CASP4: variants seen among roughly 807,000 people sequenced by gnomAD.
The protein encoded by CASP4 is caspase-4.
CASP4 carries 29 observed loss-of-function variants against 41.3 expected under a neutral mutation model. That is an observed-to-expected ratio of 0.70 (90% CI 0.52 to 0.96). CASP4 has a LOEUF of 0.96. Ranked by LOEUF, CASP4 falls within the 40% of genes least tolerant of loss-of-function variation. The probability of loss-of-function intolerance (pLI) is 0.00; values close to 1 mark genes in which losing one functional copy is unlikely to be tolerated. For missense variants in CASP4, 447 were observed against 460.6 expected (o/e 0.97, Z 0.27); for synonymous variants, 185 against 158.4 (o/e 1.17, Z -1.26).
chr11:104,948,510 T>C, intron 6 of CASP4, 23 bp downstream of exon 6: 1 of 1,564,172 alleles, frequency 6.4e-7, no homozygotes, highest in East Asian at 2.3e-5. Flanking sequence ...ACAAATCCCT[T>C]ACTGCCACTG....
intron 1 of CASP4, among the ~76,000 whole-genome samples, chr11:104,961,808 A>G (rs890497132): frequency 6.6e-6 from 1 of 152,184 alleles, no homozygotes; most frequent in Non-Finnish European, 1.5e-5. Context: ...AAGGAAGTCC[A>G]GCAGGCCTAA....
Position 104,948,549 on chromosome 11 carries a change from G to A in CASP4, c.909C>T (p.Phe303=). Residue 303 remains phenylalanine, a synonymous_variant, in exon 6 of 9, where the codon TTC becomes TTT. Transcript: ENST00000444739. The part of the protein sequence containing the change: ...KTHVEKDFIA[F]CSSTPHNVSW... The stretch of plus-strand genomic sequence containing the variant: ...GATACATACGTGGCGTTGAAGAGCA[G>A]AAAGCAATGAAGTCCTTCTCCACGT... The A allele has an allele frequency of 6.2e-7, 1 of 1,606,930 alleles. No individual in the cohort carries two copies. The highest frequency in any genetic ancestry group is 8.5e-7 in the Non-Finnish European group (1 of 1,175,672).
chr11:104,965,738 A>C (rs760336898), intron 1 of CASP4, among the ~76,000 whole-genome samples: 9 of 152,202 alleles, frequency 5.9e-5, no homozygotes, highest in Admixed American at 2.0e-4. Flanking sequence ...ATTAGCTACA[A>C]GACTAAAAAT....
intron 1 of CASP4, among the ~76,000 whole-genome samples, chr11:104,955,999 C>T (rs55832043): frequency 0.016 from 2,358 of 152,062 alleles, 40 homozygotes; most frequent in East Asian, 0.058. Context: ...TATTTTCATA[C>T]GTGCTTATTG....
chr11:104,946,957 A>G (rs543051045), intron 7 of CASP4, 126 bp downstream of exon 7: 4 of 660,772 alleles, frequency 6.1e-6, no homozygotes, highest in Non-Finnish European at 8.2e-6. Flanking sequence ...AAACAACTGA[A>G]TGACAGAAAC....
Position 104,951,102 on chromosome 11 carries a change from C to G in CASP4, c.373-4G>C. The G allele has an allele frequency of 1.2e-6, 2 of 1,610,576 alleles. No individual in the cohort carries two copies. Among genetic ancestry groups the G allele is most frequent in the Non-Finnish European group, 1.7e-6 (2 of 1,178,004 alleles). ...TTCTCTCCTTTATTGGATAGATCTGCAGGATATGGAGATGCAATAAATTTA... is the reference window on the plus strand; with the variant it reads ...TTCTCTCCTTTATTGGATAGATCTGGAGGATATGGAGATGCAATAAATTTA... On this transcript the variant is annotated splice_polypyrimidine_tract_variant and splice_region_variant and intron_variant, in intron 3 of 8. Transcript: ENST00000444739.
intron 4 of CASP4, among the ~76,000 whole-genome samples, chr11:104,950,407 T>A (rs900249586): frequency 6.6e-6 from 1 of 152,164 alleles, no homozygotes; most frequent in Non-Finnish European, 1.5e-5. Flanking sequence ...TTTGGCTGTC[T>A]TGTCGCTGTT....
rs1860551174 is a variant in CASP4 at position 104,949,529 on chromosome 11, GT to G, written c.781+13del. The stretch of plus-strand genomic sequence containing the variant: ...CACCTTCATAACTGTTAGATGTTCA[GT>G]CTCAGCACTCACCACCTCTGCAGGC... On this transcript the variant is annotated intron_variant, in intron 5 of 8. Transcript: ENST00000444739. The G allele has an allele frequency of 6.2e-7, 1 of 1,612,482 alleles. No homozygotes were observed. The highest frequency in any genetic ancestry group is 1.3e-5 in the African/African-American group (1 of 74,882).
chr11:104,955,375 A>C (rs898430905), intron 1 of CASP4, among the ~76,000 whole-genome samples: 1 of 151,962 alleles, frequency 6.6e-6, no homozygotes, highest in Non-Finnish European at 1.5e-5. Flanking sequence ...CGGGAAAGTC[A>C]ATGCTCTTGT....
Position 104,950,961 on chromosome 11 carries a change from G to A in CASP4, c.510C>T (p.Asp170=), listed in dbSNP as rs1420464528. The part of the protein sequence containing the change: ...TGMKELLEGL[D]YSVDVEENLT... ...GATTCTCTTCTACATCTACACTATA[G>A]TCCAGACCCTCAAGTAGCTCCTTCA... is the stretch of plus-strand genomic sequence containing the variant. The change falls in exon 4 of 9, where the codon GAC becomes GAT. Residue 170 remains aspartate, a synonymous_variant. Transcript: ENST00000444739. 3.1e-6 allele frequency: 5 copies of A among 1,613,140 alleles called. No individual in the cohort carries two copies. The East Asian group carries it at 1.1e-4, about 36-fold the overall frequency.
intron 1 of CASP4, among the ~76,000 whole-genome samples, chr11:104,966,858 C>T (rs1169892392): frequency 6.6e-6 from 1 of 152,200 alleles, no homozygotes; most frequent in East Asian, 1.9e-4. Context: ...GAGGCATTCT[C>T]TAAGTATCCC....
In CASP4 at chr11:104,948,621, A is replaced by G. The variant is rs1860522664; in HGVS notation, c.837T>C (p.Ser279=). The change falls in exon 6 of 9, where the codon TCT becomes TCC. Residue 279 remains serine, a synonymous_variant. Transcript: ENST00000444739. ...CCTCTAGGTTCTCAGATGACTGTGAAGAGGCCACTTCCAAGGATGCTGGAG... is the reference window on the plus strand; with the variant it reads ...CCTCTAGGTTCTCAGATGACTGTGAGGAGGCCACTTCCAAGGATGCTGGAG... The part of the protein sequence containing the change: ...RDSPASLEVA[S]SQSSENLEED... 2.5e-6 allele frequency: 4 copies of G among 1,611,354 alleles called. No individual in the cohort carries two copies. The East Asian group carries it at 8.9e-5, about 36-fold the overall frequency.
chr11:104,968,460 A>C (rs754195610), intron 1 of CASP4, 59 bp downstream of exon 1: 7 of 1,467,342 alleles, frequency 4.8e-6, no homozygotes, highest in African/African-American at 1.4e-5. Flanking sequence ...ATTTCAGAGC[A>C]ATAAATCAAG....
chr11:104,961,253 T>A (rs1225964360), intron 1 of CASP4, among the ~76,000 whole-genome samples: 2 of 152,228 alleles, frequency 1.3e-5, no homozygotes, highest in Admixed American at 1.3e-4. Flanking sequence ...TGGAGAGATG[T>A]CCTCTAACTG....
chr11:104,952,550 TGCTTAATAGTTATC>T (rs1860641603), intron 2 of CASP4, among the ~76,000 whole-genome samples: 1 of 152,174 alleles, frequency 6.6e-6, no homozygotes. Context: ...ACAAGCCAAA[TGCTTAATAGTTATC>T]CCATACAGGA....
Position 104,956,757 on chromosome 11 carries a change from G to A in CASP4, c.8-1756C>T, listed in dbSNP as rs534075575. Reference sequence around the variant, plus strand: ...TCAGGTACAGATGTTGCAACACAGTGTGATTTGCAAACAGTACACAGATTA... The same window carrying A: ...TCAGGTACAGATGTTGCAACACAGTATGATTTGCAAACAGTACACAGATTA... On this transcript the variant is annotated intron_variant, in intron 1 of 8. Transcript: ENST00000444739. 6 of 361,970 alleles carry A rather than the reference G, an allele frequency of 1.7e-5. No homozygotes were observed. In the South Asian group the frequency reaches 5.7e-4, roughly 34 times the overall value. The allele number at this position is 361,970 out of a possible 1,614,324, so 22.4% of individuals were successfully genotyped here. A position where few individuals can be genotyped will look rare whatever the true frequency, so the allele number is the denominator to read the frequency against.
intron 1 of CASP4, chr11:104,956,687 C>A: frequency 1.0e-6 from 1 of 981,804 alleles, no homozygotes; most frequent in Non-Finnish European, 1.2e-6. Flanking sequence ...GGTGAGATCA[C>A]AAAGGCTTCT....
intron 4 of CASP4, 152 bp from the exon 5 acceptor site, chr11:104,949,929 T>C: frequency 1.4e-6 from 1 of 713,234 alleles, no homozygotes; most frequent in South Asian, 1.9e-5. Flanking sequence ...TGTTTAATGG[T>C]TTTATTTTTC....
At chr11:104,951,386 C>T (rs1429843848) in intron 3 of CASP4, 1 of 283,154 alleles carries the variant, frequency 3.5e-6, no homozygotes, top group Non-Finnish European at 6.6e-6. Flanking sequence ...GGTCAAATTT[C>T]ATACAAAACG....
Sources: allele counts gnomAD v4.1 joint callset (sites outside exome capture counted in the v4.1 genomes callset), GRCh38; gene constraint gnomAD v4.1.1; transcripts MANE v1.5; gene names NCBI Gene and HGNC (gene_info 2026-07-23, HGNC 2026-07-21).